The following FBN1 variants were observed in gnomAD, a reference collection of about 807,000 sequenced individuals.
FBN1 encodes the protein fibrillin 1.
Under a neutral mutation model 365.1 loss-of-function variants are expected in FBN1, and 29 were observed. The observed-to-expected ratio is 0.08, with a 90% CI of 0.06 to 0.11. The LOEUF is 0.11. Ranked by LOEUF, FBN1 falls within the 10% of genes least tolerant of loss-of-function variation. FBN1 has a pLI of 1.00. For missense variants in FBN1, 2,476 were observed against 3,703.2 expected, an observed-to-expected ratio of 0.67 and a Z score of 8.60; for synonymous variants, 1,210 against 1,270.5, an observed-to-expected ratio of 0.95 and a Z score of 1.01.
At chr15:48,473,061 G>A (rs1393889078) in intron 34 of FBN1, among the ~76,000 whole-genome samples, 1 of 152,160 alleles carries the variant, frequency 6.6e-6, no homozygotes, top group Admixed American at 6.5e-5. Context: ...CAACCATAGG[G>A]AGAAGAAAAA....
intron 6 of FBN1, among the ~76,000 whole-genome samples, chr15:48,579,409 T>C (rs1191643354): frequency 6.6e-6 from 1 of 152,220 alleles, no homozygotes; most frequent in Non-Finnish European, 1.5e-5. Flanking sequence ...TTATTTTTCT[T>C]CTTATATTAC....
rs572333336 is a variant in FBN1, at chr15:48,488,183, G to C, written c.3267C>G (p.Thr1089=). 3.7e-6 allele frequency: 6 copies of C among 1,614,136 alleles called. No individual in the cohort carries two copies. Among genetic ancestry groups the C allele is most frequent in the South Asian group, 3.3e-5 (3 of 91,074 alleles). The change falls in exon 27 of 66, where the codon ACC becomes ACG. Residue 1089 remains threonine (T), a synonymous_variant. Coordinates refer to ENST00000316623, the MANE Select transcript of FBN1 (RefSeq NM_000138.5). The stretch of plus-strand genomic sequence containing the variant: ...CACACTTGCATTCAAAGTCCCCAGG[G>C]GTGTTCACACACTGGCCTCTGCCAC... ...DLCGRGQCVN[T]PGDFECKCDE...
chr15:48,478,734 C>T (rs1329196675), intron 32 of FBN1, among the ~76,000 whole-genome samples: 1 of 152,162 alleles, frequency 6.6e-6, no homozygotes, highest in Non-Finnish European at 1.5e-5. Flanking sequence ...CTTGGCAATA[C>T]CCAGGGTCTG....
chr15:48,591,277 A>C (rs2140704001), intron 6 of FBN1, among the ~76,000 whole-genome samples: 1 of 152,312 alleles, frequency 6.6e-6, no homozygotes, highest in Non-Finnish European at 1.5e-5. Context: ...CTGTTTCTGA[A>C]AACTCAAATG....
intron 14 of FBN1, 118 bp downstream of exon 14, chr15:48,509,926 A>T: frequency 8.9e-7 from 1 of 1,118,046 alleles, no homozygotes; most frequent in Non-Finnish European, 1.3e-6. Context: ...TTTTGAGATA[A>T]AATATATAAA....
At position 48,643,926 on chromosome 15, in the gene FBN1, T is replaced by C. The variant is rs1232124885; in HGVS notation, c.164+680A>G. 2.1e-4 allele frequency: 32 copies of C among 152,174 alleles called. 1 individual carries two copies. The highest frequency in any genetic ancestry group is 2.1e-3 in the Admixed American group (32 of 15,282). 9.4% of individuals were successfully genotyped at this position (152,174 alleles called of 1,614,324 possible). On this transcript the variant is annotated intron_variant, in intron 2 of 65. Transcript: ENST00000316623. ...GCGGCATGGGAAGCCAGTGAAATGG[T>C]CAGTTGCATGTACACAACACAAACA... is the stretch of plus-strand genomic sequence containing the variant.
At chr15:48,603,156 T>C (rs2044579910) in intron 4 of FBN1, among the ~76,000 whole-genome samples, 1 of 152,340 alleles carries the variant, frequency 6.6e-6, no homozygotes, top group South Asian at 2.1e-4. Context: ...AAAATCTCCC[T>C]GATATATATT....
Position 48,494,197 on chromosome 15 carries a change from G to T in FBN1, c.2728+7C>A. 6.2e-7 allele frequency: 1 copy of T among 1,606,276 alleles called. No individual in the cohort carries two copies. The highest frequency in any genetic ancestry group is 8.5e-7 in the Non-Finnish European group (1 of 1,173,132). On this transcript the variant is annotated splice_region_variant and intron_variant, in intron 23 of 65. Transcript: ENST00000316623. ...AAAATGTATGGTTTATAAGTAATCA[G>T]AAATACCTTCACATTGTGTTCCTTT...
intron 8 of FBN1, among the ~76,000 whole-genome samples, chr15:48,527,440 T>C (rs1204230557): frequency 6.6e-6 from 1 of 152,228 alleles, no homozygotes; most frequent in Non-Finnish European, 1.5e-5. Context: ...GCCTCCTCTC[T>C]GAGACCAGCA....
chr15:48,591,442 C>T (rs1190676193), intron 6 of FBN1, among the ~76,000 whole-genome samples: 2 of 152,178 alleles, frequency 1.3e-5, no homozygotes, highest in African/African-American at 2.4e-5. Context: ...CACTAAATGA[C>T]AATATTCATT....
chr15:48,422,202 G>C (rs2042949314), intron 60 of FBN1, 134 bp from the exon 61 acceptor site: 1 of 707,954 alleles, frequency 1.4e-6, no homozygotes, highest in Non-Finnish European at 2.6e-6. Context: ...CACAGCAAAA[G>C]GCAAGGAGAG....
At position 48,505,126 on chromosome 15, in the gene FBN1, G is replaced by A; in HGVS notation, c.1859C>T (p.Pro620Leu). The A allele has an allele frequency of 6.2e-7, 1 of 1,614,120 alleles. No individual in the cohort carries two copies. Among genetic ancestry groups the A allele is most frequent in the Non-Finnish European group, 8.5e-7 (1 of 1,180,008 alleles). Reference protein sequence around the residue: ...YCKDINECETPGICMNGRCVN... With the variant: ...YCKDINECETLGICMNGRCVN... ...GCAACGCCCATTCATGCAGATCCCA[G>A]GGGTTTCACACTCGTTAATGTCTGT... is the stretch of plus-strand genomic sequence containing the variant. The change falls in exon 16 of 66, where the codon CCT becomes CTT. Residue 620 changes from proline (P) to leucine (L), a missense_variant. Transcript: ENST00000316623.
At chr15:48,435,674 G>C (rs1449331882) in intron 53 of FBN1, among the ~76,000 whole-genome samples, 1 of 150,498 alleles carries the variant, frequency 6.6e-6, no homozygotes, top group Non-Finnish European at 1.5e-5. Flanking sequence ...AAATGTGTGT[G>C]TGTGTGTGTG....
At position 48,408,779 on chromosome 15, in the gene FBN1, A is replaced by G. The variant is rs1473370084; in HGVS notation, c.*2211T>C. On this transcript the variant is annotated 3_prime_UTR_variant, in exon 66 of 66. Transcript: ENST00000316623. ...TGGCTCAGGAATAAATAAAATCCAG[A>G]CTTGGACTATTAAAAATATCAAAGT... 6.6e-6 allele frequency: 1 copy of G among 152,640 alleles called. No individual in the cohort carries two copies. Among genetic ancestry groups the G allele is most frequent in the Non-Finnish European group, 1.5e-5 (1 of 68,032 alleles). The allele number at this position is 152,640 out of a possible 1,614,324, so 9.5% of individuals were successfully genotyped here.
At chr15:48,582,880 T>C (rs16961194) in intron 6 of FBN1, among the ~76,000 whole-genome samples, 1,909 of 152,268 alleles carry the variant, frequency 0.013, 38 homozygotes, top group African/African-American at 0.044. Flanking sequence ...TTGAAGGGCA[T>C]TGGAAACCTA....
At chr15:48,460,802 C>T (rs1026659908) in intron 42 of FBN1, among the ~76,000 whole-genome samples, 2 of 152,130 alleles carry the variant, frequency 1.3e-5, no homozygotes, top group African/African-American at 4.8e-5. Context: ...CCAACCTTCA[C>T]CAGTTTTTCA....
At chr15:48,446,517 G>A (rs895978357) in intron 47 of FBN1, among the ~76,000 whole-genome samples, 189 bp downstream of exon 47, 13 of 152,168 alleles carry the variant, frequency 8.5e-5, no homozygotes, top group African/African-American at 2.9e-4. Context: ...TATCCCTCAC[G>A]GATAAGGGGA....
chr15:48,588,438 A>T (rs2044452369), intron 6 of FBN1, among the ~76,000 whole-genome samples: 1 of 152,204 alleles, frequency 6.6e-6, no homozygotes, highest in African/African-American at 2.4e-5. Context: ...TCAAATATTA[A>T]ATGTGGGGCT....
At chr15:48,419,322 G>A (rs1566891016) in intron 63 of FBN1, among the ~76,000 whole-genome samples, 1 of 151,970 alleles carries the variant, frequency 6.6e-6, no homozygotes, top group Non-Finnish European at 1.5e-5. Context: ...CTGATGGTAG[G>A]AGGAGGAGGA....
Sources: gnomAD v4.1 joint callset for allele counts (sites outside exome capture counted in the v4.1 genomes callset) on GRCh38, gnomAD v4.1.1 for gene constraint, MANE v1.5 for transcripts, NCBI Gene and HGNC (gene_info 2026-07-23, HGNC 2026-07-21) for gene names.